The following KDM6A variants were observed in gnomAD, a reference collection of about 807,000 sequenced individuals.
KDM6A encodes the protein lysine-specific demethylase 6A.
In KDM6A, 11 loss-of-function variants were observed where a neutral mutation model predicts 117.6. The ratio of observed to expected loss-of-function variants is 0.09; its 90% CI spans 0.06 to 0.15. The LOEUF is 0.15. KDM6A is among the 10% of genes least tolerant of loss of function. The pLI is 1.00. For synonymous variants in KDM6A, 384 were observed against 396.1 expected (o/e 0.97, Z 0.36); for missense variants, 799 against 1,077.3 (o/e 0.74, Z 3.62).
At chrX:44,973,732 G>A (rs889136388) in intron 3 of KDM6A, among the ~76,000 whole-genome samples, 10 of 109,998 alleles carry the variant, frequency 9.1e-5, no homozygotes, top group African/African-American at 3.3e-4. Context: ...GACCTCCGGG[G>A]CACAGTTTTT....
chrX:44,957,962 CCACTTGCA>C (rs1369276505), intron 2 of KDM6A, among the ~76,000 whole-genome samples: 1 of 111,367 alleles, frequency 9.0e-6, no homozygotes, highest in Non-Finnish European at 1.9e-5. Context: ...ATTCACTTGT[CCACTTGCA>C]CTAACCATGT....
intron 4 of KDM6A, among the ~76,000 whole-genome samples, chrX:44,980,225 G>A (rs12013803): frequency 0.22 from 24,028 of 109,879 alleles, 4,344 homozygotes; most frequent in African/African-American, 0.61. Flanking sequence ...CGATCTCCTG[G>A]CCTCGTGATC....
At chrX:44,914,489 A>G (rs868601368) in intron 2 of KDM6A, among the ~76,000 whole-genome samples, 2 of 111,631 alleles carry the variant, frequency 1.8e-5, no homozygotes, top group Non-Finnish European at 3.8e-5. Flanking sequence ...TTTTAGGTAG[A>G]TAAAGGAAAT....
intron 2 of KDM6A, among the ~76,000 whole-genome samples, chrX:44,881,068 A>T (rs2032240665): frequency 1.8e-5 from 2 of 111,835 alleles, no homozygotes; most frequent in Admixed American, 1.9e-4. Context: ...CTTCATTTTG[A>T]TCTTTAGCAT....
chrX:44,944,774 G>A (rs1276908461), intron 2 of KDM6A, among the ~76,000 whole-genome samples: 1 of 112,161 alleles, frequency 8.9e-6, no homozygotes, highest in African/African-American at 3.2e-5. Flanking sequence ...TGTAGCATAT[G>A]TCCTTGCTAA....
At chrX:45,040,699 C>T (rs1476972923) in intron 8 of KDM6A, among the ~76,000 whole-genome samples, 4 of 64,699 alleles carry the variant, frequency 6.2e-5, no homozygotes, top group Middle Eastern at 0.019. Flanking sequence ...CCCTCCCGGA[C>T]GGGGCGGCTG....
intron 2 of KDM6A, among the ~76,000 whole-genome samples, chrX:44,891,863 G>A (rs1454227980): frequency 8.9e-6 from 1 of 112,047 alleles, no homozygotes; most frequent in Non-Finnish European, 1.9e-5. Flanking sequence ...GTAACCTGTG[G>A]AATGTTGAGA....
intron 4 of KDM6A, among the ~76,000 whole-genome samples, chrX:45,004,219 G>A (rs774360832): frequency 2.5e-4 from 28 of 110,585 alleles, no homozygotes; most frequent in Non-Finnish European, 4.2e-4. Flanking sequence ...TCTTTAGGGG[G>A]CCTGGTAGAT....
intron 2 of KDM6A, among the ~76,000 whole-genome samples, chrX:44,954,824 TAGAAAC>T (rs2038224766): frequency 9.0e-6 from 1 of 111,241 alleles, no homozygotes; most frequent in Non-Finnish European, 1.9e-5. Context: ...AGTTGGGCTG[TAGAAAC>T]AGACCAGTCA....
chrX:45,110,321 T>A lies in KDM6A; in HGVS notation c.4332+72T>A, dbSNP rs921380159. ...CAGCAGTGTTTGCTCTGCCACCTGATAAGTAGGAGGTAATGAAATATTTTA... is the reference window on the plus strand; with the variant it reads ...CAGCAGTGTTTGCTCTGCCACCTGAAAAGTAGGAGGTAATGAAATATTTTA... On this transcript the variant is annotated intron_variant, in intron 29 of 29. Transcript: ENST00000611820. 4.4e-6 allele frequency: 4 copies of A among 911,540 alleles called. No homozygotes were observed. In the African/African-American group the frequency reaches 7.8e-5, roughly 18 times the overall value. 75.1% of individuals were successfully genotyped at this position (911,540 alleles called of 1,213,427 possible).
chrX:44,895,677 C>T (rs2033788447), intron 2 of KDM6A, among the ~76,000 whole-genome samples: 1 of 109,502 alleles, frequency 9.1e-6, no homozygotes. Flanking sequence ...CTGTGTCTCA[C>T]ATACTTTTGT....
chrX:45,060,897 TC>T, intron 14 of KDM6A, 133 bp downstream of exon 14: 1 of 361,610 alleles, frequency 2.8e-6, no homozygotes, highest in Non-Finnish European at 4.5e-6. Flanking sequence ...TTTGAGTTTT[TC>T]CATCCCAAAC....
At chrX:44,911,593 G>C (rs2146793697) in intron 2 of KDM6A, among the ~76,000 whole-genome samples, 1 of 111,841 alleles carries the variant, frequency 8.9e-6, no homozygotes, top group East Asian at 2.9e-4. Context: ...TGGGCGGCCA[G>C]GGAGAGACGC....
intron 5 of KDM6A, among the ~76,000 whole-genome samples, chrX:45,017,348 C>T (rs888673936): frequency 9.0e-6 from 1 of 111,235 alleles, no homozygotes; most frequent in South Asian, 3.8e-4. Context: ...ATGTTGTGGC[C>T]ACCTGCATTT....
At chrX:44,955,073 A>T (rs2038247657) in intron 2 of KDM6A, among the ~76,000 whole-genome samples, 1 of 111,706 alleles carries the variant, frequency 9.0e-6, no homozygotes, top group African/African-American at 3.3e-5. Context: ...TACTTGGTGA[A>T]TTTAAGATGA....
At chrX:45,082,362 A>C in intron 21 of KDM6A, 2 of 407,402 alleles carry the variant, frequency 4.9e-6, no homozygotes, top group East Asian at 4.1e-5. Flanking sequence ...TGAGCCCAGG[A>C]GGCAGAGGTT....
chrX:44,999,727 T>C (rs772274777), intron 4 of KDM6A, among the ~76,000 whole-genome samples: 2 of 111,377 alleles, frequency 1.8e-5, no homozygotes, highest in East Asian at 5.6e-4. Flanking sequence ...CTTAGTTGTT[T>C]GGCTTGATTT....
intron 4 of KDM6A, among the ~76,000 whole-genome samples, chrX:44,986,915 T>A (rs1187241566): frequency 1.8e-5 from 2 of 111,788 alleles, no homozygotes; most frequent in African/African-American, 6.5e-5. Flanking sequence ...GTCCTGTAGA[T>A]GTCTATTAGG....
intron 8 of KDM6A, among the ~76,000 whole-genome samples, chrX:45,040,270 T>G (rs1432599015): frequency 1.6e-4 from 4 of 25,029 alleles, no homozygotes; most frequent in Admixed American, 9.7e-4. Context: ...GGGGTGGGGG[T>G]GCTGACCCCC....
Sources: gnomAD v4.1 joint callset for allele counts (sites outside exome capture counted in the v4.1 genomes callset) on GRCh38, gnomAD v4.1.1 for gene constraint, MANE v1.5 for transcripts, NCBI Gene and HGNC (gene_info 2026-07-23, HGNC 2026-07-21) for gene names.